The following SLC18A1 variants were observed in gnomAD, a reference collection of about 807,000 sequenced individuals.
SLC18A1 encodes solute carrier family 18 member A1, also known as chromaffin granule amine transporter.
SLC18A1 carries 69 observed loss-of-function variants against 53.7 expected under a neutral mutation model. That is an observed-to-expected ratio of 1.28 (90% confidence interval 1.06 to 1.57). The LOEUF is 1.57. Among genes scored for constraint, SLC18A1 ranks in the 40% most tolerant of loss-of-function variants. The pLI, the probability that SLC18A1 is intolerant of heterozygous loss-of-function variation, is 0.00. For synonymous variants in SLC18A1, 320 were observed against 248.1 expected (o/e 1.29, Z -2.72); for missense variants, 932 against 668.1 (o/e 1.40, Z -4.35).
In SLC18A1 at chr8:20,168,051, A is replaced by G. The variant is rs185707755; in HGVS notation, c.859-2944T>C. ...ATATTTTTGTATCGAAAAGTAAAAC[A>G]TTACTCAAAAAACAATGAAGGTATG... On this transcript the variant is annotated intron_variant, in intron 8 of 15. Coordinates refer to ENST00000276373, the MANE Select transcript of SLC18A1 (RefSeq NM_003053.4). 3.9e-3 allele frequency among the ~76,000 whole-genome samples: 596 copies of G among 152,270 alleles called. 14 individuals carry two copies. Among genetic ancestry groups the G allele is most frequent in the African/African-American group, 0.014 (572 of 41,488 alleles).
intron 6 of SLC18A1, 45 bp downstream of exon 6, chr8:20,172,991 G>T: frequency 2.9e-6 from 4 of 1,372,070 alleles, no homozygotes; most frequent in Non-Finnish European, 4.1e-6. Flanking sequence ...CTGCTTCCTA[G>T]AGTCCCACCC....
intron 3 of SLC18A1, 125 bp from the exon 4 acceptor site, chr8:20,178,618 G>C: frequency 1.4e-6 from 1 of 698,634 alleles, no homozygotes; most frequent in Non-Finnish European, 2.5e-6. Context: ...ACATGCCTCT[G>C]AATGTAGTGT....
intron 4 of SLC18A1, 91 bp from the exon 5 acceptor site, chr8:20,174,535 T>C (rs879187482): frequency 5.5e-5 from 42 of 768,458 alleles, no homozygotes; most frequent in South Asian, 4.3e-4. Context: ...ACTGCAGATA[T>C]GAGTCTTGAT....
intron 1 of SLC18A1, chr8:20,182,034 C>T (rs985148747): frequency 1.3e-5 from 2 of 152,198 alleles, no homozygotes; most frequent in Non-Finnish European, 2.9e-5. Context: ...GTCACAGTAC[C>T]TTGTCAAACT....
Position 20,165,037 on chromosome 8 carries a change from G to T in SLC18A1, c.919+10C>A, listed in dbSNP as rs372645057. 1 of 1,614,012 alleles carries T rather than the reference G, an allele frequency of 6.2e-7. No individual in the cohort carries two copies. Among genetic ancestry groups the T allele is most frequent in the Non-Finnish European group, 8.5e-7 (1 of 1,179,910 alleles). ...ACTCCCCGCCCAATGGGAGGTCATC[G>T]CCAGCTTACCTGCAGCCACCAGGAT... On this transcript the variant is annotated intron_variant, in intron 9 of 15. Transcript: ENST00000276373.
intron 10 of SLC18A1, among the ~76,000 whole-genome samples, chr8:20,152,861 T>A (rs979769536): frequency 2.6e-5 from 4 of 152,002 alleles, no homozygotes; most frequent in African/African-American, 9.7e-5. Flanking sequence ...AGTCTGGCCT[T>A]TGATCAGGGC....
rs183448199 is a variant in SLC18A1, at chr8:20,174,220, C to T, written c.631+141G>A. On this transcript the variant is annotated intron_variant, in intron 5 of 15. Transcript: ENST00000276373. ...GAGCCACTGTGCCCAGCCCAATTCCCTTATTTCTGAATCACAATTTCTACC... is the reference window on the plus strand; with the variant it reads ...GAGCCACTGTGCCCAGCCCAATTCCTTTATTTCTGAATCACAATTTCTACC... The T allele has an allele frequency of 8.8e-4, 629 of 711,804 alleles. 9 individuals are homozygous for T. The East Asian group carries it at 0.016, about 18-fold the overall frequency. 44.1% of individuals were successfully genotyped at this position (711,804 alleles called of 1,614,324 possible).
At chr8:20,168,336 C>T (rs2128876062) in intron 8 of SLC18A1, among the ~76,000 whole-genome samples, 1 of 151,960 alleles carries the variant, frequency 6.6e-6, no homozygotes, top group South Asian at 2.1e-4. Context: ...CTCTACACTC[C>T]AGCCTCAGTC....
chr8:20,161,479 C>T (rs1190617353), intron 10 of SLC18A1, among the ~76,000 whole-genome samples: 1 of 152,102 alleles, frequency 6.6e-6, no homozygotes, highest in East Asian at 1.9e-4. Context: ...GATTATAGTA[C>T]ATGGAAGTAC....
chr8:20,149,645 C>G (rs1176904610), intron 12 of SLC18A1, 31 bp downstream of exon 12: 2 of 1,562,122 alleles, frequency 1.3e-6, no homozygotes, highest in Non-Finnish European at 1.8e-6. Flanking sequence ...TCTCTCTCTC[C>G]TTCCCCTCCC....
At chr8:20,163,504 C>T (rs1430849288) in intron 10 of SLC18A1, among the ~76,000 whole-genome samples, 1 of 152,012 alleles carries the variant, frequency 6.6e-6, no homozygotes, top group Non-Finnish European at 1.5e-5. Context: ...ATATGGTGGG[C>T]CACATAGCAA....
intron 15 of SLC18A1, 143 bp from the exon 16 acceptor site, chr8:20,146,019 C>G: frequency 6.8e-6 from 3 of 440,932 alleles, no homozygotes; most frequent in Non-Finnish European, 1.2e-5. Context: ...GGGTTCATGC[C>G]GTTCTCCTGC....
At chr8:20,153,542 G>T (rs978755954) in intron 10 of SLC18A1, among the ~76,000 whole-genome samples, 18 of 152,246 alleles carry the variant, frequency 1.2e-4, no homozygotes, top group African/African-American at 4.1e-4. Context: ...GCTGGGCATG[G>T]TGGCAGGTAC....
At chr8:20,148,317 A>G (rs905429901) in intron 12 of SLC18A1, 3 of 614,554 alleles carry the variant, frequency 4.9e-6, no homozygotes, top group African/African-American at 3.7e-5. Flanking sequence ...ATGAGTGGCA[A>G]GATCAAGTTT....
At chr8:20,169,623 A>G (rs1282704210) in intron 8 of SLC18A1, among the ~76,000 whole-genome samples, 1 of 152,208 alleles carries the variant, frequency 6.6e-6, no homozygotes, top group Non-Finnish European at 1.5e-5. Context: ...TCATGCCTAC[A>G]ATCCCAGCAC....
chr8:20,180,108 TTGTGTGTGTGTG>T (rs112531759), intron 2 of SLC18A1, among the ~76,000 whole-genome samples: 7 of 146,078 alleles, frequency 4.8e-5, no homozygotes, highest in Admixed American at 1.4e-4. Context: ...AAGATTATAA[TTGTGTGTGTGTG>T]TGTGTGTGTG....
chr8:20,159,780 C>T (rs780472362), intron 10 of SLC18A1, among the ~76,000 whole-genome samples: 1 of 152,066 alleles, frequency 6.6e-6, no homozygotes, highest in Non-Finnish European at 1.5e-5. Flanking sequence ...TTGCATCGTG[C>T]CTGTCGCAGA....
intron 3 of SLC18A1, among the ~76,000 whole-genome samples, chr8:20,178,898 C>T (rs750366982): frequency 5.9e-5 from 9 of 152,184 alleles, no homozygotes; most frequent in Non-Finnish European, 7.3e-5. Flanking sequence ...TCATGGTTCT[C>T]TTCTTGGTAC....
chr8:20,157,445 A>C (rs2128871306), intron 10 of SLC18A1, among the ~76,000 whole-genome samples: 1 of 152,284 alleles, frequency 6.6e-6, no homozygotes, highest in South Asian at 2.1e-4. Flanking sequence ...CAGAATCACA[A>C]CATGGAGATT....
Sources: gnomAD v4.1 joint callset for allele counts (sites outside exome capture counted in the v4.1 genomes callset) on GRCh38, gnomAD v4.1.1 for gene constraint, MANE v1.5 for transcripts, NCBI Gene and HGNC (gene_info 2026-07-23, HGNC 2026-07-21) for gene names.